Variants in CACNA1B observed in about 807,000 individuals in gnomAD.
CACNA1B encodes the protein calcium voltage-gated channel subunit alpha1 B.
CACNA1B carries 70 observed loss-of-function variants against 247.2 expected under a neutral mutation model. The ratio of observed to expected loss-of-function variants is 0.28; its 90% CI spans 0.23 to 0.35. The LOEUF (loss-of-function observed/expected upper bound fraction) is 0.35, where lower values mean the gene tolerates loss of function less well. CACNA1B is among the 10% of genes least tolerant of loss of function. The pLI is 1.00. For missense variants in CACNA1B, 2,367 were observed against 3,197.4 expected (o/e 0.74, Z 6.26); for synonymous variants, 1,231 against 1,294.4 (o/e 0.95, Z 1.05).
intron 10 of CACNA1B, among the ~76,000 whole-genome samples, chr9:137,958,884 C>G (rs1160318775): frequency 2.0e-5 from 3 of 152,094 alleles, no homozygotes; most frequent in Non-Finnish European, 4.4e-5. Flanking sequence ...TCCTACTGTC[C>G]GTGATGCTGG....
chr9:137,986,704 G>T lies in CACNA1B; in HGVS notation c.1902-78G>T. 2.1e-6 allele frequency: 3 copies of T among 1,409,672 alleles called. No individual in the cohort carries two copies. Among genetic ancestry groups the T allele is most frequent in the Non-Finnish European group, 1.0e-6 (1 of 994,630 alleles). The allele number at this position is 1,409,672 out of a possible 1,614,324, so 87.3% of individuals were successfully genotyped here. ...ATCTGCAGCCTGAAGCGAGCAGGTT[G>T]AGGCCACGCTGGAGCCTGCAGGCGC... On this transcript the variant is annotated intron_variant, in intron 14 of 46. Transcript: ENST00000371372. This position sits in a 1 kb window ranked among gnomAD's most constrained non-coding sequence, Gnocchi z 6.0.
rs1455375531 is a variant in CACNA1B, at chr9:138,011,456, T to C, written c.2160+1379T>C. ...CCTGTCTGTGTCTGGCTGTGGGCAT[T>C]TTTCTGGGCTGACCAAGAGCCGCAA... On this transcript the variant is annotated intron_variant, in intron 17 of 46. Transcript: ENST00000371372. The surrounding 1 kb of genome is among the most constrained non-coding windows in gnomAD (Gnocchi z 4.2). 6.6e-6 allele frequency among the ~76,000 whole-genome samples: 1 copy of C among 152,138 alleles called. No individual in the cohort carries two copies. Among genetic ancestry groups the C allele is most frequent in the African/African-American group, 2.4e-5 (1 of 41,424 alleles).
rs538384956 is a variant in CACNA1B at position 138,005,906 on chromosome 9, G to A, written c.1975-861G>A. 9.9e-5 allele frequency among the ~76,000 whole-genome samples: 15 copies of A among 152,158 alleles called. No individual in the cohort carries two copies. The South Asian group carries it at 2.9e-3, about 29-fold the overall frequency. Reference sequence around the variant, plus strand: ...AAAATACAAAAAATTAGCCGGGTGAGGTGGTGGGTGCCTGTAGTCCCAGCT... The same window carrying A: ...AAAATACAAAAAATTAGCCGGGTGAAGTGGTGGGTGCCTGTAGTCCCAGCT... On this transcript the variant is annotated intron_variant, in intron 15 of 46. Coordinates refer to ENST00000371372, the MANE Select transcript of CACNA1B (RefSeq NM_000718.4).
intron 25 of CACNA1B, among the ~76,000 whole-genome samples, chr9:138,053,563 T>C (rs1959372211): frequency 6.6e-6 from 1 of 151,444 alleles, no homozygotes; most frequent in Non-Finnish European, 1.5e-5. Context: ...TGGCTCCACC[T>C]CTTGTCATGG....
At position 138,059,801 on chromosome 9, in the gene CACNA1B, C is replaced by T. The variant is rs1016154057; in HGVS notation, c.4668+64C>T. 4.5e-6 allele frequency: 4 copies of T among 891,220 alleles called. No individual in the cohort carries two copies. Among genetic ancestry groups the T allele is most frequent in the Non-Finnish European group, 7.6e-6 (4 of 525,718 alleles). The allele number at this position is 891,220 out of a possible 1,614,324, so 55.2% of individuals were successfully genotyped here. On this transcript the variant is annotated intron_variant, in intron 31 of 46. Transcript: ENST00000371372. The surrounding 1 kb of genome is among the most constrained non-coding windows in gnomAD (Gnocchi z 4.2). ...TGGTTTCCTTCTAGAGCCTGCTCCC[C>T]TCAGTGCATCTCCAGGCCCTGTGTT...
intron 36 of CACNA1B, among the ~76,000 whole-genome samples, chr9:138,090,740 T>C (rs1258352176): frequency 1.5e-5 from 1 of 67,368 alleles, no homozygotes; most frequent in East Asian, 5.1e-4. Flanking sequence ...AAAAATCAGA[T>C]TAATAAATGG....
Position 138,059,837 on chromosome 9 carries a change from T to C in CACNA1B, c.4668+100T>C. 1.3e-6 allele frequency: 1 copy of C among 742,762 alleles called. No homozygotes were observed. Among genetic ancestry groups the C allele is most frequent in the South Asian group, 1.6e-5 (1 of 63,484 alleles). 46.0% of individuals were successfully genotyped at this position (742,762 alleles called of 1,614,324 possible). On this transcript the variant is annotated intron_variant, in intron 31 of 46. Transcript: ENST00000371372. This position sits in a 1 kb window ranked among gnomAD's most constrained non-coding sequence, Gnocchi z 4.2. The stretch of plus-strand genomic sequence containing the variant: ...TCCAGGCCCTGTGTTAGCCTCTTCC[T>C]GGGTTCCGCAGAACCCCCTGGACAT...
At chr9:138,110,111 A>G (rs1961571152) in intron 39 of CACNA1B, among the ~76,000 whole-genome samples, 1 of 142,302 alleles carries the variant, frequency 7.0e-6, no homozygotes, top group South Asian at 2.3e-4. Context: ...TGATATATAT[A>G]TATATACATA....
At chr9:138,006,042 CAAAAAAAA>C (rs11288171) in intron 15 of CACNA1B, among the ~76,000 whole-genome samples, 10 of 67,808 alleles carry the variant, frequency 1.5e-4, no homozygotes, top group South Asian at 9.4e-4. Flanking sequence ...GACTCCATGT[CAAAAAAAA>C]AAAAAAAAAA....
chr9:138,005,899 C>T lies in CACNA1B; in HGVS notation c.1975-868C>T, dbSNP rs112817842. On this transcript the variant is annotated intron_variant, in intron 15 of 46. Coordinates refer to ENST00000371372, the MANE Select transcript of CACNA1B (RefSeq NM_000718.4). ...TCTACTAAAAATACAAAAAATTAGC[C>T]GGGTGAGGTGGTGGGTGCCTGTAGT... Among the ~76,000 whole-genome samples the T allele has an allele frequency of 7.6e-3, 1,150 of 151,962 alleles. 5 individuals are homozygous for T. The highest frequency in any genetic ancestry group is 0.011 in the Non-Finnish European group (741 of 67,950).
At chr9:138,088,958 TCAAAAAAAAAAAAAAAA>T (rs1564280924) in intron 36 of CACNA1B, among the ~76,000 whole-genome samples, 1 of 10,260 alleles carries the variant, frequency 9.7e-5, no homozygotes, top group Admixed American at 1.8e-3. Context: ...AAACTCCGTC[TCAAAAAAAAAAAAAAAA>T]AAAAAAAAAA....
rs147761363 is a variant in CACNA1B, at chr9:138,068,551, C to T, written c.4669-1207C>T. The T allele has an allele frequency of 3.0e-3, 1,557 of 516,832 alleles. 17 individuals carry two copies. Among genetic ancestry groups the T allele is most frequent in the African/African-American group, 0.026 (1,355 of 51,994 alleles). The allele number at this position is 516,832 out of a possible 1,614,324, so 32.0% of individuals were successfully genotyped here. ...CGCCCGGAAGCATTTAGTCCCAGTG[C>T]GCTTTCCGAGAGGCACAGGTGGGCT... On this transcript the variant is annotated intron_variant, in intron 31 of 46. Transcript: ENST00000371372.
intron 34 of CACNA1B, among the ~76,000 whole-genome samples, chr9:138,075,302 G>A (rs1352804105): frequency 1.3e-5 from 2 of 152,182 alleles, no homozygotes; most frequent in African/African-American, 4.8e-5. Context: ...TTGTGGATGT[G>A]TCATAGTTCA....
chr9:138,116,127 C>T (rs1357400441), intron 42 of CACNA1B, among the ~76,000 whole-genome samples: 2 of 152,258 alleles, frequency 1.3e-5, no homozygotes, highest in Non-Finnish European at 2.9e-5. Context: ...CCCTGCTCCT[C>T]ATCGGCCCTC....
intron 6 of CACNA1B, among the ~76,000 whole-genome samples, chr9:137,921,583 T>C (rs531692706): frequency 1.1e-3 from 117 of 104,698 alleles, no homozygotes; most frequent in East Asian, 1.3e-3. Flanking sequence ...TCGGAGAACA[T>C]GATCAACACC....
At chr9:137,911,577 A>G (rs969288992) in intron 3 of CACNA1B, among the ~76,000 whole-genome samples, 7 of 152,024 alleles carry the variant, frequency 4.6e-5, no homozygotes, top group African/African-American at 1.7e-4. Context: ...TACTGCGCCC[A>G]GCTAGTTTTT....
chr9:138,117,146 G>A (rs1422425988), intron 42 of CACNA1B, among the ~76,000 whole-genome samples: 1 of 152,254 alleles, frequency 6.6e-6, no homozygotes, highest in Non-Finnish European at 1.5e-5. Context: ...TGGGAGATAA[G>A]TGATGAGAAA....
chr9:137,928,010 T>C (rs890656687), intron 6 of CACNA1B, among the ~76,000 whole-genome samples: 1 of 152,240 alleles, frequency 6.6e-6, no homozygotes, highest in African/African-American at 2.4e-5. Context: ...ATTCTCTTTA[T>C]GTGTTGCTGA....
In CACNA1B at chr9:138,118,660, C is replaced by G; in HGVS notation, c.5922C>G (p.Asp1974Glu). 3.3e-6 allele frequency: 5 copies of G among 1,518,430 alleles called. No individual in the cohort carries two copies. The highest frequency in any genetic ancestry group is 4.5e-6 in the Non-Finnish European group (5 of 1,112,254). 94.1% of individuals were successfully genotyped at this position (1,518,430 alleles called of 1,614,324 possible). A position where few individuals can be genotyped will look rare whatever the true frequency, so the allele number is the denominator to read the frequency against. The change falls in exon 44 of 47, where the codon GAC (aspartate) becomes GAG (glutamate). Residue 1974 changes from aspartate (D) to glutamate (E), a missense_variant. This residue lies in a region of CACNA1B where 773 missense variants were observed against 779.4 expected (regional missense o/e 0.99). Transcript: ENST00000371372. ...GAGTGCTGTATCCACAGGCTGTGGA[C>G]GTTCAGATGCAGAGCATAACCCGGA... ...PVGRSGALAV[D>E]VQMQSITRRG...
Sources: gnomAD v4.1 joint callset for allele counts (sites outside exome capture counted in the v4.1 genomes callset) on GRCh38, gnomAD v4.1.1 for gene constraint, gnomAD v4.1.1 regional missense constraint, Gnocchi (gnomAD v3.1) non-coding constraint, MANE v1.5 for transcripts, NCBI Gene and HGNC (gene_info 2026-07-23, HGNC 2026-07-21) for gene names.